GRM7: variants seen among roughly 807,000 people sequenced by gnomAD.
GRM7 encodes the protein metabotropic glutamate receptor 7.
A neutral mutation model predicts 84.5 loss-of-function variants in GRM7; 35 were observed. That is an observed-to-expected ratio of 0.41 (90% CI 0.32 to 0.55). The LOEUF (loss-of-function observed/expected upper bound fraction) is 0.55, where lower values mean the gene tolerates loss of function less well. GRM7 is among the 20% of genes least tolerant of loss of function. The pLI, the probability that GRM7 is intolerant of heterozygous loss-of-function variation, is 0.19. For missense variants in GRM7, 1,003 were observed against 1,194.6 expected (o/e 0.84, Z 2.36); for synonymous variants, 487 against 455.1 (o/e 1.07, Z -0.89).
intron 1 of GRM7, among the ~76,000 whole-genome samples, chr3:6,973,429 A>G (rs553795460): frequency 2.0e-4 from 30 of 152,348 alleles, no homozygotes; most frequent in African/African-American, 6.3e-4. Flanking sequence ...ATACATATAC[A>G]CACATACAAA....
At chr3:6,920,470 G>A (rs966705499) in intron 1 of GRM7, among the ~76,000 whole-genome samples, 2 of 151,856 alleles carry the variant, frequency 1.3e-5, no homozygotes, top group Non-Finnish European at 2.9e-5. Context: ...CACAAGAATC[G>A]CTGGAACCTG....
intron 1 of GRM7, among the ~76,000 whole-genome samples, chr3:7,138,350 G>A (rs1693837291): frequency 6.6e-6 from 1 of 151,812 alleles, no homozygotes; most frequent in African/African-American, 2.4e-5. Context: ...TATAGATGTG[G>A]TAGATCTTCT....
At chr3:7,221,158 CT>C (rs894041956) in intron 2 of GRM7, among the ~76,000 whole-genome samples, 1 of 152,014 alleles carries the variant, frequency 6.6e-6, no homozygotes, top group South Asian at 2.1e-4. Context: ...ACCAAAGAAA[CT>C]TTTCTACATC....
At chr3:7,313,926 G>C (rs1375745466) in intron 4 of GRM7, among the ~76,000 whole-genome samples, 1 of 152,120 alleles carries the variant, frequency 6.6e-6, no homozygotes, top group African/African-American at 2.4e-5. Flanking sequence ...GAGAGAGAGA[G>C]AGAGAGAGAG....
intron 7 of GRM7, among the ~76,000 whole-genome samples, chr3:7,491,415 T>G (rs750871817): frequency 0.01 from 477 of 45,692 alleles, 3 homozygotes; most frequent in African/African-American, 0.028. Flanking sequence ...TTAGATGGTA[T>G]ATATATATAT....
At chr3:7,377,338 A>G (rs146567742) in intron 4 of GRM7, among the ~76,000 whole-genome samples, 12 of 152,326 alleles carry the variant, frequency 7.9e-5, no homozygotes, top group African/African-American at 2.4e-4. Context: ...ACTTGTCAAC[A>G]TGCTACTCTG....
intron 1 of GRM7, among the ~76,000 whole-genome samples, chr3:6,868,611 T>C (rs970626764): frequency 6.6e-6 from 1 of 152,200 alleles, no homozygotes; most frequent in African/African-American, 2.4e-5. Context: ...TGGATTATGA[T>C]GGCTCTTTCT....
intron 1 of GRM7, among the ~76,000 whole-genome samples, chr3:7,051,575 A>C (rs1202354976): frequency 6.6e-6 from 1 of 151,808 alleles, no homozygotes. Flanking sequence ...ATTACTGATG[A>C]AGGAATCCTT....
chr3:7,461,849 T>C, intron 7 of GRM7, 127 bp downstream of exon 7: 1 of 814,204 alleles, frequency 1.2e-6, no homozygotes, highest in Non-Finnish European at 2.0e-6. Flanking sequence ...CAATTTGTTG[T>C]GGGCATCAGC....
chr3:6,968,366 C>A (rs750980018), intron 1 of GRM7, among the ~76,000 whole-genome samples: 62 of 152,136 alleles, frequency 4.1e-4, no homozygotes, highest in Non-Finnish European at 7.2e-4. Context: ...TTGATTACCT[C>A]TGTAAGGACC....
At chr3:7,309,982 C>G (rs1336364212) in intron 4 of GRM7, among the ~76,000 whole-genome samples, 2 of 152,162 alleles carry the variant, frequency 1.3e-5, no homozygotes, top group African/African-American at 4.8e-5. Flanking sequence ...CATTTCCTCA[C>G]TCATGTGTTG....
intron 1 of GRM7, among the ~76,000 whole-genome samples, chr3:6,966,417 T>C (rs2125088260): frequency 6.6e-6 from 1 of 152,318 alleles, no homozygotes; most frequent in East Asian, 1.9e-4. Context: ...TTTTCTGGGG[T>C]CTCCAGCTAA....
chr3:7,129,168 T>C (rs1693507007), intron 1 of GRM7, among the ~76,000 whole-genome samples: 1 of 152,184 alleles, frequency 6.6e-6, no homozygotes, highest in African/African-American at 2.4e-5. Flanking sequence ...CTAATGGAAT[T>C]GTATTTTTGA....
chr3:7,573,258 TA>T (rs67244448), intron 7 of GRM7, among the ~76,000 whole-genome samples: 37,743 of 151,904 alleles, frequency 0.25, 4,860 homozygotes, highest in Middle Eastern at 0.38. Flanking sequence ...GGCATTTTAA[TA>T]AAAAAAGTTC....
At position 7,124,470 on chromosome 3, in the gene GRM7, C is replaced by A. The variant is rs118113219; in HGVS notation, c.520-21982C>A. Among the ~76,000 whole-genome samples the A allele has an allele frequency of 7.2e-5, 11 of 152,222 alleles. No homozygotes were observed. In the East Asian group the frequency reaches 2.1e-3, roughly 29 times the overall value. ...GCAGTGAACTGAGATCGCACCATTG[C>A]GCTCCAACCTGGAGTGATATCCAGA... On this transcript the variant is annotated intron_variant, in intron 1 of 9. Coordinates refer to ENST00000357716, the MANE Select transcript of GRM7 (RefSeq NM_000844.4).
intron 4 of GRM7, among the ~76,000 whole-genome samples, chr3:7,318,078 A>T (rs1285123937): frequency 6.6e-6 from 1 of 152,132 alleles, no homozygotes; most frequent in African/African-American, 2.4e-5. Context: ...GGAGAAAAAA[A>T]TCACAGGCGT....
intron 8 of GRM7, among the ~76,000 whole-genome samples, chr3:7,659,316 T>C (rs529297040): frequency 6.6e-6 from 1 of 152,270 alleles, no homozygotes; most frequent in Admixed American, 6.5e-5. Flanking sequence ...GAGGGAATGT[T>C]ATTGTACAGA....
chr3:7,450,039 A>G (rs1052260577), intron 5 of GRM7, among the ~76,000 whole-genome samples: 5 of 152,146 alleles, frequency 3.3e-5, no homozygotes, highest in African/African-American at 1.2e-4. Context: ...ACTGGGAAAA[A>G]TATTTGCAAC....
chr3:7,630,154 G>T (rs1697803311), intron 8 of GRM7, among the ~76,000 whole-genome samples: 1 of 152,172 alleles, frequency 6.6e-6, no homozygotes, highest in Non-Finnish European at 1.5e-5. Flanking sequence ...CAGATGACAA[G>T]AATGATTTCC....
Sources: allele counts gnomAD v4.1 joint callset (sites outside exome capture counted in the v4.1 genomes callset), GRCh38; gene constraint gnomAD v4.1.1; transcripts MANE v1.5; gene names NCBI Gene and HGNC (gene_info 2026-07-23, HGNC 2026-07-21).